The following DNAH6 variants were observed in gnomAD, a reference collection of about 807,000 sequenced individuals.
DNAH6 encodes the protein axonemal beta dynein heavy chain 6.
Under a neutral mutation model 491.4 loss-of-function variants are expected in DNAH6, and 340 were observed. The ratio of observed to expected loss-of-function variants is 0.69; its 90% CI spans 0.63 to 0.76. The LOEUF (loss-of-function observed/expected upper bound fraction) is 0.76, where lower values mean the gene tolerates loss of function less well. Among genes scored for constraint, DNAH6 ranks in the 30% least tolerant of loss-of-function variants. DNAH6 has a pLI of 0.00. For missense variants in DNAH6, 4,443 were observed against 4,972.2 expected, an observed-to-expected ratio of 0.89 and a Z score of 3.20; for synonymous variants, 1,603 against 1,686.1, an observed-to-expected ratio of 0.95 and a Z score of 1.21.
At chr2:84,587,159 A>C (rs1683637124) in intron 15 of DNAH6, among the ~76,000 whole-genome samples, 1 of 152,098 alleles carries the variant, frequency 6.6e-6, no homozygotes, top group African/African-American at 2.4e-5. Context: ...CTTTGTGTCC[A>C]TGTGTTCTCA....
rs145481433 is a variant in DNAH6, at chr2:84,781,316, A to G, written c.10704-177A>G. On this transcript the variant is annotated intron_variant, in intron 64 of 76. Coordinates refer to ENST00000389394, the MANE Select transcript of DNAH6 (RefSeq NM_001370.2). Reference sequence around the variant, plus strand: ...GTTTTTGCACTTTTCTATGTGGGTCATGGTAAAAATATTTTTAAAAACAAG... The same window carrying G: ...GTTTTTGCACTTTTCTATGTGGGTCGTGGTAAAAATATTTTTAAAAACAAG... 3.9e-5 allele frequency among the ~76,000 whole-genome samples: 6 copies of G among 152,356 alleles called. No individual in the cohort carries two copies. In the East Asian group the frequency reaches 9.6e-4, roughly 24 times the overall value.
chr2:84,651,213 G>T (rs1375755218), intron 33 of DNAH6, among the ~76,000 whole-genome samples: 1 of 152,136 alleles, frequency 6.6e-6, no homozygotes, highest in African/African-American at 2.4e-5. Context: ...GATTCCACCT[G>T]TCAGAGAGCA....
chr2:84,808,650 C>T lies in DNAH6; in HGVS notation c.11739+108C>T, dbSNP rs1162688740. The T allele has an allele frequency of 5.3e-6, 6 of 1,122,626 alleles. No individual in the cohort carries two copies. In the East Asian group the frequency reaches 1.3e-4, roughly 24 times the overall value. The allele number at this position is 1,122,626 out of a possible 1,614,324, so 69.5% of individuals were successfully genotyped here. On this transcript the variant is annotated intron_variant, in intron 72 of 76. Transcript: ENST00000389394. ...TCACTTCAGCATTTCCATTTGGATA[C>T]ACTAACAACTCTTCAAGCCCAATGA... is the stretch of plus-strand genomic sequence containing the variant.
chr2:84,745,331 T>C, intron 63 of DNAH6, 82 bp downstream of exon 63: 3 of 1,137,216 alleles, frequency 2.6e-6, no homozygotes, highest in Non-Finnish European at 3.5e-6. Context: ...TATAAATTTA[T>C]TTGAGAGTAA....
chr2:84,681,911 A>G (rs914986146), intron 42 of DNAH6, among the ~76,000 whole-genome samples: 12 of 152,108 alleles, frequency 7.9e-5, no homozygotes, highest in African/African-American at 1.2e-4. Context: ...GGATTTTGCT[A>G]TCATAATTCC....
At chr2:84,606,086 A>G (rs1477502824) in intron 20 of DNAH6, among the ~76,000 whole-genome samples, 1 of 152,232 alleles carries the variant, frequency 6.6e-6, no homozygotes, top group Non-Finnish European at 1.5e-5. Context: ...TCTGTCAACC[A>G]CAAAAGAAAA....
At chr2:84,668,840 GTGTGTGTGTGTGTGTGTA>G (rs902845588) in intron 37 of DNAH6, among the ~76,000 whole-genome samples, 30 of 71,270 alleles carry the variant, frequency 4.2e-4, no homozygotes, top group Non-Finnish European at 6.1e-4. Flanking sequence ...GTGTGTGTGT[GTGTGTGTGTGTGTGTGTA>G]TGATTGTAAT....
At position 84,580,222 on chromosome 2, in the gene DNAH6, G is replaced by T. The variant is rs572557848; in HGVS notation, c.2229+543G>T. On this transcript the variant is annotated intron_variant, in intron 14 of 76. Transcript: ENST00000389394. ...AACACAAACCCGCTTAAGTGGGGAG[G>T]TGGAGGTGGGGAGAAAAAAGTGGAT... Among the ~76,000 whole-genome samples the T allele has an allele frequency of 2.0e-5, 3 of 152,250 alleles. No individual in the cohort carries two copies. In the East Asian group the frequency reaches 5.8e-4, roughly 29 times the overall value.
chr2:84,658,615 A>T (rs527267062), intron 36 of DNAH6, 141 bp downstream of exon 36: 1 of 586,934 alleles, frequency 1.7e-6, no homozygotes, highest in African/African-American at 1.9e-5. Flanking sequence ...CTATGATGTC[A>T]TTCTTAGAAT....
chr2:84,653,209 G>C (rs1690619981), intron 33 of DNAH6, 110 bp from the exon 34 acceptor site: 1 of 948,336 alleles, frequency 1.1e-6, no homozygotes, highest in African/African-American at 1.7e-5. Flanking sequence ...TGTCAGAAGA[G>C]AAAGATCAAT....
chr2:84,698,314 G>A (rs1049024032), intron 47 of DNAH6, among the ~76,000 whole-genome samples: 1 of 152,164 alleles, frequency 6.6e-6, no homozygotes, highest in African/African-American at 2.4e-5. Flanking sequence ...TGCTAGGTCG[G>A]AGATTATAGG....
chr2:84,665,203 G>A (rs916271104), intron 37 of DNAH6, among the ~76,000 whole-genome samples: 12 of 152,108 alleles, frequency 7.9e-5, no homozygotes, highest in African/African-American at 2.7e-4. Context: ...AGAAGCAAGA[G>A]CAAACACATT....
chr2:84,569,417 G>A (rs1681551985), intron 11 of DNAH6, among the ~76,000 whole-genome samples: 1 of 151,884 alleles, frequency 6.6e-6, no homozygotes. Flanking sequence ...AGGATGGTGG[G>A]TAAAAAGTGA....
In DNAH6 at chr2:84,653,341, C is replaced by G. The variant is rs2104564607; in HGVS notation, c.5101C>G (p.Pro1701Ala). 6.5e-7 allele frequency: 1 copy of G among 1,532,800 alleles called. No homozygotes were observed. Among genetic ancestry groups the G allele is most frequent in the Admixed American group, 2.1e-5 (1 of 48,054 alleles). 94.9% of individuals were successfully genotyped at this position (1,532,800 alleles called of 1,614,324 possible). A position where few individuals can be genotyped will look rare whatever the true frequency, so the allele number is the denominator to read the frequency against. The change falls in exon 34 of 77, where the codon CCT becomes GCT. Residue 1701 changes from proline (P) to alanine (A), a missense_variant. Coordinates refer to ENST00000389394, the MANE Select transcript of DNAH6 (RefSeq NM_001370.2). ...LFSGIISDLF[P>A]GVQIPEHDYG... is the part of the protein sequence containing the mutation. ...CAGTGGAATCATATCTGACCTTTTT[C>G]CTGGAGTCCAAATTCCAGAACATGA... is the stretch of plus-strand genomic sequence containing the variant.
intron 14 of DNAH6, among the ~76,000 whole-genome samples, chr2:84,583,797 G>A (rs1683277630): frequency 6.7e-6 from 1 of 148,852 alleles, no homozygotes; most frequent in Non-Finnish European, 1.5e-5. Context: ...GTGACTGTGA[G>A]TCCTCCCCAG....
rs371267816 is a variant in DNAH6 at position 84,648,586 on chromosome 2, T to C, written c.5079-4733T>C. Reference sequence around the variant, plus strand: ...GATTTTGAGGGGTTTTAGACCTCAGTGGAGGAAGTAACTACAGATGTGGTA... The same window carrying C: ...GATTTTGAGGGGTTTTAGACCTCAGCGGAGGAAGTAACTACAGATGTGGTA... On this transcript the variant is annotated intron_variant, in intron 33 of 76. Transcript: ENST00000389394. 3.0e-4 allele frequency among the ~76,000 whole-genome samples: 46 copies of C among 152,278 alleles called. No homozygotes were observed. In the South Asian group the frequency reaches 9.1e-3, roughly 30 times the overall value.
chr2:84,592,302 C>G (rs967511285), intron 16 of DNAH6, among the ~76,000 whole-genome samples: 1 of 151,924 alleles, frequency 6.6e-6, no homozygotes, highest in African/African-American at 2.4e-5. Flanking sequence ...ATGAACATTT[C>G]TCTAAAGAAG....
the DNAH6 span, among the ~76,000 whole-genome samples, chr2:84,482,026 T>C: frequency 6.6e-6 from 1 of 152,118 alleles, no homozygotes; most frequent in Non-Finnish European, 1.5e-5. Context: ...CTGCAGCCGT[T>C]TTCAAAGGCT....
intron 62 of DNAH6, among the ~76,000 whole-genome samples, chr2:84,743,618 T>G (rs575160649): frequency 4.6e-5 from 7 of 152,290 alleles, no homozygotes; most frequent in Admixed American, 2.6e-4. Flanking sequence ...GCTCAGGAGT[T>G]GGAGACCAGC....
Sources: gnomAD v4.1 joint callset for allele counts (sites outside exome capture counted in the v4.1 genomes callset) on GRCh38, gnomAD v4.1.1 for gene constraint, MANE v1.5 for transcripts, NCBI Gene and HGNC (gene_info 2026-07-23, HGNC 2026-07-21) for gene names.